The following SREBF2 variants were observed in gnomAD, a reference collection of about 807,000 sequenced individuals.
SREBF2 encodes the protein sterol regulatory element-binding protein 2.
SREBF2 carries 55 observed loss-of-function variants against 113.1 expected under a neutral mutation model. The ratio of observed to expected loss-of-function variants is 0.49; its 90% CI spans 0.39 to 0.61. The LOEUF (loss-of-function observed/expected upper bound fraction) is 0.61. Ranked by LOEUF, SREBF2 falls within the 20% of genes least tolerant of loss-of-function variation. The pLI is 0.00. For synonymous variants in SREBF2, 593 were observed against 605.7 expected (o/e 0.98, Z 0.31); for missense variants, 1,349 against 1,487.4 (o/e 0.91, Z 1.53).
intron 10 of SREBF2, 116 bp from the exon 11 acceptor site, chr22:41,884,726 A>G (rs903724381): frequency 3.6e-6 from 4 of 1,118,232 alleles, no homozygotes; most frequent in East Asian, 4.8e-5. Flanking sequence ...TCTGATCACA[A>G]AGTTCACCTC....
At chr22:41,866,106 A>G (rs1190167068) in intron 1 of SREBF2, among the ~76,000 whole-genome samples, 1 of 152,178 alleles carries the variant, frequency 6.6e-6, no homozygotes, top group Non-Finnish European at 1.5e-5. Flanking sequence ...GTGGCCTCAC[A>G]AGCCAAAACC....
intron 18 of SREBF2, 58 bp from the exon 19 acceptor site, chr22:41,905,382 G>C: frequency 1.3e-6 from 2 of 1,497,480 alleles, no homozygotes; most frequent in South Asian, 2.4e-5. Flanking sequence ...GTAACGCCAA[G>C]GAACTGCACC....
rs201434289 is a variant in SREBF2, at chr22:41,885,011, C to T, written c.2208C>T (p.Ala736=). ...TRCGGKLGFL[A]SYFLSRAQSL... is the part of the protein sequence containing the mutation. ...GTGGAGGCAAGCTGGGCTTCCTGGC[C>T]GTGAGTACCCTTCGGTTCCCTTCTG... is the stretch of plus-strand genomic sequence containing the variant. The change falls in exon 11 of 19, where the codon GCC becomes GCT. Residue 736 remains alanine, a splice_region_variant and synonymous_variant. Coordinates refer to ENST00000361204, the MANE Select transcript of SREBF2 (RefSeq NM_004599.4). 1.2e-4 allele frequency: 198 copies of T among 1,613,964 alleles called. No individual in the cohort carries two copies. Among genetic ancestry groups the T allele is most frequent in the Middle Eastern group, 1.7e-4 (1 of 6,030 alleles).
chr22:41,842,918 A>C (rs2076842803), intron 1 of SREBF2, among the ~76,000 whole-genome samples: 3 of 151,692 alleles, frequency 2.0e-5, no homozygotes, highest in Admixed American at 1.3e-4. Flanking sequence ...TGAATCCAGG[A>C]GGTGGAGGTT....
intron 1 of SREBF2, among the ~76,000 whole-genome samples, chr22:41,844,029 T>TACACACAC (rs768606329): frequency 1.8e-3 from 86 of 48,750 alleles, no homozygotes; most frequent in East Asian, 6.8e-3. Flanking sequence ...AAAAAAAAAA[T>TACACACAC]ACATACACAC....
chr22:41,890,701 G>A lies in SREBF2; in HGVS notation c.2209-2416G>A, dbSNP rs564513571. On this transcript the variant is annotated intron_variant, in intron 11 of 18. Coordinates refer to ENST00000361204, the MANE Select transcript of SREBF2 (RefSeq NM_004599.4). Reference sequence around the variant, plus strand: ...TTTTTTTTTTGGCTTGGGATTACAAGCCAAGCCACCAGCGTGGCCAAGATG... The same window carrying A: ...TTTTTTTTTTGGCTTGGGATTACAAACCAAGCCACCAGCGTGGCCAAGATG... Among the ~76,000 whole-genome samples, 28 of 149,546 alleles carry A rather than the reference G, an allele frequency of 1.9e-4. No homozygotes were observed. The South Asian group carries it at 5.3e-3, about 29-fold the overall frequency.
chr22:41,834,456 G>C (rs767889390), intron 1 of SREBF2: 1 of 152,688 alleles, frequency 6.5e-6, no homozygotes, highest in Admixed American at 6.5e-5. Flanking sequence ...AGAGAGCTTA[G>C]GCAGAAACAC....
intron 1 of SREBF2, among the ~76,000 whole-genome samples, chr22:41,835,045 A>G (rs796938058): frequency 9.9e-5 from 15 of 152,144 alleles, no homozygotes; most frequent in African/African-American, 2.9e-4. Context: ...CTGTATGTCT[A>G]TAGCTGCCTA....
In SREBF2 at chr22:41,833,720, T is replaced by G; in HGVS notation, c.88+362T>G. On this transcript the variant is annotated intron_variant, in intron 1 of 18. Transcript: ENST00000361204. The surrounding 1 kb of genome is among the most constrained non-coding windows in gnomAD (Gnocchi z 4.1). ...CACACGCGGTTTCCGTGGTCCGCTC[T>G]CCCGCCGCCCGCGACCGCGCGTCGC... The G allele has an allele frequency of 5.3e-6, 1 of 189,736 alleles. No homozygotes were observed. The highest frequency in any genetic ancestry group is 2.3e-5 in the African/African-American group (1 of 42,904). 11.8% of individuals were successfully genotyped at this position (189,736 alleles called of 1,614,324 possible).
intron 8 of SREBF2, 113 bp from the exon 9 acceptor site, chr22:41,877,829 C>G: frequency 8.7e-7 from 1 of 1,146,294 alleles, no homozygotes; most frequent in South Asian, 1.2e-5. Context: ...TTTGCCCTTT[C>G]TTCTGAAAAT....
At chr22:41,834,317 A>G (rs879433070) in intron 1 of SREBF2, 2 of 145,746 alleles carry the variant, frequency 1.4e-5, no homozygotes, top group Non-Finnish European at 3.0e-5. Context: ...TTAGGCCCCA[A>G]AATGCTTTGT....
chr22:41,894,406 G>T (rs2077392351), intron 12 of SREBF2, among the ~76,000 whole-genome samples: 1 of 152,160 alleles, frequency 6.6e-6, no homozygotes, highest in Non-Finnish European at 1.5e-5. Context: ...CATGTTCTTC[G>T]TTGTCATGAG....
chr22:41,896,411 A>G (rs2077417286), intron 13 of SREBF2, among the ~76,000 whole-genome samples: 1 of 151,876 alleles, frequency 6.6e-6, no homozygotes, highest in Non-Finnish European at 1.5e-5. Flanking sequence ...CCAGGCTGGA[A>G]TGTAGTGGTA....
intron 9 of SREBF2, chr22:41,878,669 G>GA (rs34796148): frequency 2.3e-6 from 3 of 1,304,158 alleles, no homozygotes; most frequent in South Asian, 1.2e-5. Flanking sequence ...GGAGTTTACG[G>GA]AAAAAAATCT....
chr22:41,860,715 C>T (rs1369801776), intron 1 of SREBF2, among the ~76,000 whole-genome samples: 7 of 151,300 alleles, frequency 4.6e-5, no homozygotes, highest in African/African-American at 1.5e-4. Context: ...TCTGTCTCCA[C>T]AAAAAAAAGA....
chr22:41,904,174 G>A (rs544850213), intron 17 of SREBF2, among the ~76,000 whole-genome samples: 1 of 152,270 alleles, frequency 6.6e-6, no homozygotes, highest in East Asian at 1.9e-4. Context: ...CACCTCGCCT[G>A]GTCCAAAGGC....
intron 4 of SREBF2, 56 bp downstream of exon 4, chr22:41,871,091 T>C (rs1569393020): frequency 8.7e-6 from 14 of 1,607,908 alleles, no homozygotes; most frequent in Non-Finnish European, 1.2e-5. Context: ...CTGGAGGTGT[T>C]AGTCTTCAGA....
intron 1 of SREBF2, among the ~76,000 whole-genome samples, chr22:41,841,317 A>T (rs916978637): frequency 6.6e-6 from 1 of 152,224 alleles, no homozygotes; most frequent in Non-Finnish European, 1.5e-5. Flanking sequence ...ACTGGAGTAT[A>T]TATGAGGGTT....
At chr22:41,896,673 C>T (rs1186816391) in intron 13 of SREBF2, among the ~76,000 whole-genome samples, 2 of 152,130 alleles carry the variant, frequency 1.3e-5, no homozygotes, top group Non-Finnish European at 2.9e-5. Context: ...AGTCACTTTC[C>T]TACAAGGCCC....
Sources: gnomAD v4.1 joint callset for allele counts (sites outside exome capture counted in the v4.1 genomes callset) on GRCh38, gnomAD v4.1.1 for gene constraint, Gnocchi (gnomAD v3.1) non-coding constraint, MANE v1.5 for transcripts, NCBI Gene and HGNC (gene_info 2026-07-23, HGNC 2026-07-21) for gene names.